Variants in DMXL1 observed in about 807,000 individuals in gnomAD.
The protein encoded by DMXL1 is dmX-like protein 1.
DMXL1 carries 99 observed loss-of-function variants against 319.2 expected under a neutral mutation model. That is an observed-to-expected ratio of 0.31 (90% confidence interval 0.26 to 0.37). The LOEUF (loss-of-function observed/expected upper bound fraction) is 0.37, where lower values mean the gene tolerates loss of function less well. Ranked by LOEUF, DMXL1 falls within the 10% of genes least tolerant of loss-of-function variation. The pLI is 1.00. For missense variants in DMXL1, 3,745 were observed against 3,595.6 expected (o/e 1.04, Z -1.06); for synonymous variants, 1,385 against 1,235.2 (o/e 1.12, Z -2.54).
chr5:119,157,102 T>G (rs1363280201), intron 19 of DMXL1, among the ~76,000 whole-genome samples: 1 of 151,892 alleles, frequency 6.6e-6, no homozygotes, highest in Admixed American at 6.6e-5. Flanking sequence ...TCCTCCTGCC[T>G]CAGCCTCTCA....
At chr5:119,181,220 T>TA (rs1257993625) in intron 28 of DMXL1, among the ~76,000 whole-genome samples, 2 of 152,060 alleles carry the variant, frequency 1.3e-5, no homozygotes, top group African/African-American at 2.4e-5. Flanking sequence ...TAACCCCAAG[T>TA]AAAAAATAAA....
rs375462736 is a variant in DMXL1, at chr5:119,148,963, C to T, written c.3136C>T (p.Pro1046Ser). ...TAGTAGTATAACTGTACCTGGTAGGCCTGTAGAAGTTAGCTGTGCACATAC... is the reference window on the plus strand; with the variant it reads ...TAGTAGTATAACTGTACCTGGTAGGTCTGTAGAAGTTAGCTGTGCACATAC... ...SNSSITVPGRPVEVSCAHTNR... is the reference protein window; with the variant it reads ...SNSSITVPGRSVEVSCAHTNR... Residue 1046 changes from proline (P) to serine (S), a missense_variant, in exon 18 of 44, where the codon CCT (proline) becomes TCT (serine). This residue lies in a region of DMXL1 where 2,096 missense variants were observed against 1,985.4 expected (regional missense o/e 1.06). Transcript: ENST00000539542. The T allele has an allele frequency of 1.2e-6, 2 of 1,613,762 alleles. No homozygotes were observed. Among genetic ancestry groups the T allele is most frequent in the African/African-American group, 2.7e-5 (2 of 74,890 alleles).
At chr5:119,215,993 G>C (rs1205863501) in intron 34 of DMXL1, among the ~76,000 whole-genome samples, 1 of 144,864 alleles carries the variant, frequency 6.9e-6, no homozygotes, top group African/African-American at 2.5e-5. Context: ...CTACTTGGGA[G>C]TCTGGAGCAG....
intron 1 of DMXL1, among the ~76,000 whole-genome samples, chr5:119,083,283 C>G (rs775384842): frequency 6.6e-6 from 1 of 152,166 alleles, no homozygotes; most frequent in African/African-American, 2.4e-5. Flanking sequence ...ACCTTGACTT[C>G]CCAAAGTGTA....
intron 28 of DMXL1, among the ~76,000 whole-genome samples, chr5:119,179,646 C>G (rs1413859367): frequency 1.3e-5 from 2 of 152,136 alleles, no homozygotes; most frequent in Non-Finnish European, 2.9e-5. Context: ...TTATTAGTAG[C>G]AATGTTGGCA....
intron 1 of DMXL1, among the ~76,000 whole-genome samples, chr5:119,080,377 A>AT (rs753243507): frequency 3.9e-5 from 6 of 152,094 alleles, no homozygotes; most frequent in Non-Finnish European, 8.8e-5. Context: ...AAAGTGTTCT[A>AT]TACTCAGTCA....
intron 41 of DMXL1, 108 bp downstream of exon 41, chr5:119,239,188 T>G: frequency 8.7e-7 from 1 of 1,145,876 alleles, no homozygotes; most frequent in Non-Finnish European, 1.2e-6. Flanking sequence ...TTAGATACAG[T>G]ATTTTTATTC....
chr5:119,112,196 C>T (rs1415441754), intron 5 of DMXL1, among the ~76,000 whole-genome samples: 2 of 152,088 alleles, frequency 1.3e-5, no homozygotes, highest in Non-Finnish European at 2.9e-5. Flanking sequence ...CTCCTGACCT[C>T]GTGATCTGCC....
At chr5:119,174,275 A>T (rs1308715146) in intron 25 of DMXL1, among the ~76,000 whole-genome samples, 1 of 152,168 alleles carries the variant, frequency 6.6e-6, no homozygotes, top group Non-Finnish European at 1.5e-5. Flanking sequence ...GTTCAAGAGC[A>T]GCAAGAATAG....
At chr5:119,084,588 G>T (rs114167292) in intron 1 of DMXL1, among the ~76,000 whole-genome samples, 1 of 152,246 alleles carries the variant, frequency 6.6e-6, no homozygotes, top group Non-Finnish European at 1.5e-5. Flanking sequence ...CCTTGGCTGG[G>T]TGCTGTGGCT....
chr5:119,127,918 G>T (rs768395629), intron 9 of DMXL1: 15 of 366,772 alleles, frequency 4.1e-5, no homozygotes, highest in Non-Finnish European at 8.3e-5. Context: ...TCAAGCAAAA[G>T]CTTCATAAAC....
rs4529225 is a variant in DMXL1, at chr5:119,129,520, G to T, written c.1315+97G>T. Reference sequence around the variant, plus strand: ...CTAGCTACTTGTAATAAACTTTAAAGTTGCAATGACATGATCCAAACATGG... The same window carrying T: ...CTAGCTACTTGTAATAAACTTTAAATTTGCAATGACATGATCCAAACATGG... On this transcript the variant is annotated intron_variant, in intron 10 of 43. Coordinates refer to ENST00000539542, the MANE Select transcript of DMXL1 (RefSeq NM_001290321.3). 4.4e-5 allele frequency: 36 copies of T among 814,364 alleles called. 1 individual carries two copies. Among genetic ancestry groups the T allele is most frequent in the Middle Eastern group, 7.5e-4 (2 of 2,678 alleles). 50.4% of individuals were successfully genotyped at this position (814,364 alleles called of 1,614,324 possible). A position where few individuals can be genotyped will look rare whatever the true frequency, so the allele number is the denominator to read the frequency against.
At chr5:119,112,554 T>C (rs537445250) in intron 5 of DMXL1, among the ~76,000 whole-genome samples, 2 of 152,238 alleles carry the variant, frequency 1.3e-5, no homozygotes, top group East Asian at 3.9e-4. Context: ...ATATGTAGAA[T>C]TTACAGAGGA....
chr5:119,235,185 C>T (rs766305580), intron 39 of DMXL1, among the ~76,000 whole-genome samples: 3 of 151,940 alleles, frequency 2.0e-5, no homozygotes, highest in Non-Finnish European at 4.4e-5. Context: ...AAATACAGTG[C>T]CAAAAGCCAG....
At chr5:119,128,897 C>G (rs796234443) in intron 9 of DMXL1, among the ~76,000 whole-genome samples, 2 of 152,068 alleles carry the variant, frequency 1.3e-5, no homozygotes, top group South Asian at 2.1e-4. Context: ...AACCCTGTCT[C>G]TACTGAAAAT....
At chr5:119,118,443 T>A (rs1289446220) in intron 7 of DMXL1, among the ~76,000 whole-genome samples, 1 of 152,170 alleles carries the variant, frequency 6.6e-6, no homozygotes, top group Non-Finnish European at 1.5e-5. Context: ...TTTTTTTAGA[T>A]GTAAAAAGAA....
chr5:119,089,294 T>TATATATACATATATA, intron 1 of DMXL1, among the ~76,000 whole-genome samples: 1 of 17,004 alleles, frequency 5.9e-5, no homozygotes, highest in Admixed American at 9.6e-4. Context: ...ATATATATAT[T>TATATATACATATATA]TTTTTTTTTT....
intron 1 of DMXL1, among the ~76,000 whole-genome samples, chr5:119,091,815 G>A (rs575607483): frequency 4.6e-5 from 7 of 152,298 alleles, no homozygotes; most frequent in Non-Finnish European, 7.4e-5. Context: ...ACAGGGTGGT[G>A]TTACTACTGA....
chr5:119,232,842 A>G (rs1205266076), intron 38 of DMXL1, among the ~76,000 whole-genome samples: 1 of 151,916 alleles, frequency 6.6e-6, no homozygotes, highest in African/African-American at 2.4e-5. Flanking sequence ...AAATTACAAA[A>G]AAAACAGATA....
Sources: allele counts gnomAD v4.1 joint callset (sites outside exome capture counted in the v4.1 genomes callset), GRCh38; gene constraint gnomAD v4.1.1; regional missense constraint gnomAD v4.1.1; transcripts MANE v1.5; gene names NCBI Gene and HGNC (gene_info 2026-07-23, HGNC 2026-07-21).